Variants in ACY3 observed in about 807,000 individuals in gnomAD.
The protein encoded by ACY3 is N-acyl-aromatic-L-amino acid amidohydrolase (carboxylate-forming).
ACY3 carries 20 observed loss-of-function variants against 24.6 expected under a neutral mutation model. That is an observed-to-expected ratio of 0.81 (90% confidence interval 0.57 to 1.18). The LOEUF (loss-of-function observed/expected upper bound fraction) is 1.18, where lower values mean the gene tolerates loss of function less well. Ranked by LOEUF, ACY3 falls within the 50% of genes most tolerant of loss-of-function variation. The pLI, the probability that ACY3 is intolerant of heterozygous loss-of-function variation, is 0.00. For synonymous variants in ACY3, 174 were observed against 188.4 expected (o/e 0.92, Z 0.62); for missense variants, 423 against 426.8 (o/e 0.99, Z 0.08).
Position 67,644,822 on chromosome 11 carries a change from C to G in ACY3, c.682G>C (p.Val228Leu), listed in dbSNP as rs537647642. 3.2e-6 allele frequency: 5 copies of G among 1,579,120 alleles called. No homozygotes were observed. In the Admixed American group the frequency reaches 7.4e-5, roughly 23 times the overall value. ...GCCTCGGTGCGGGGGAAGTCCACGA[C>G]GCCCACGGGTCTATAGGCTTCCATC... ...FEMEAYRPVG[V>L]VDFPRTEAGH... The change falls in exon 7 of 8, where the codon GTC becomes CTC. Residue 228 changes from valine (V) to leucine (L), a missense_variant. Val to Leu is a conservative substitution (Grantham distance 32). Coordinates refer to ENST00000255082, the MANE Select transcript of ACY3 (RefSeq NM_080658.2).
At position 67,650,575 on chromosome 11, in the gene ACY3, G is replaced by T. The variant is rs1179102358; in HGVS notation, c.-95+8C>A. On this transcript the variant is annotated splice_region_variant and intron_variant, in intron 1 of 7. Coordinates refer to ENST00000255082, the MANE Select transcript of ACY3 (RefSeq NM_080658.2). ...GTGGGCCGCGGCACCTTCCCCGGGCGAACTCACCCACGTGGCCCCAGAGGG... is the reference window on the plus strand; with the variant it reads ...GTGGGCCGCGGCACCTTCCCCGGGCTAACTCACCCACGTGGCCCCAGAGGG... The T allele has an allele frequency of 1.3e-5, 2 of 152,178 alleles. No homozygotes were observed. Among genetic ancestry groups the T allele is most frequent in the Admixed American group, 1.3e-4 (2 of 15,276 alleles). The allele number at this position is 152,178 out of a possible 1,614,324, so 9.4% of individuals were successfully genotyped here.
chr11:67,648,554 G>C (rs1855558288), intron 1 of ACY3, among the ~76,000 whole-genome samples: 1 of 152,262 alleles, frequency 6.6e-6, no homozygotes, highest in African/African-American at 2.4e-5. Context: ...TGGATGCCAG[G>C]TGCTGGGACC....
In ACY3 at chr11:67,642,714, G is replaced by T. The variant is rs370053612; in HGVS notation, c.*10C>A. The T allele has an allele frequency of 1.2e-6, 2 of 1,613,838 alleles. No individual in the cohort carries two copies. Among genetic ancestry groups the T allele is most frequent in the African/African-American group, 2.7e-5 (2 of 74,934 alleles). ...ATGGGAAGACTGAGGTTGGGGAGGTGTGTCTTGGGTTAGGAAGCTGGGCTC... is the reference window on the plus strand; with the variant it reads ...ATGGGAAGACTGAGGTTGGGGAGGTTTGTCTTGGGTTAGGAAGCTGGGCTC... On this transcript the variant is annotated 3_prime_UTR_variant, in exon 8 of 8. Coordinates refer to ENST00000255082, the MANE Select transcript of ACY3 (RefSeq NM_080658.2).
intron 1 of ACY3, among the ~76,000 whole-genome samples, chr11:67,648,183 T>C (rs1244071374): frequency 2.6e-5 from 4 of 152,226 alleles, no homozygotes; most frequent in Non-Finnish European, 5.9e-5. Context: ...GCTCATTTTA[T>C]AGATGTGAAA....
chr11:67,642,760 C>CA lies in ACY3; in HGVS notation c.923dup (p.Met308IlefsTer31). ...GGCTCGGGGCAGGGGTCAGCGCGGGCATGGCAGGCACGGTGAATGTGAACT... is the reference window on the plus strand; with the variant it reads ...GGCTCGGGGCAGGGGTCAGCGCGGGCAATGGCAGGCACGGTGAATGTGAACT... On this transcript the variant is annotated frameshift_variant, in exon 8 of 8. Transcript: ENST00000255082. LOFTEE classifies it low-confidence loss of function (END_TRUNC). The CA allele has an allele frequency of 6.2e-7, 1 of 1,614,132 alleles. No individual in the cohort carries two copies. Among genetic ancestry groups the CA allele is most frequent in the Non-Finnish European group, 8.5e-7 (1 of 1,180,022 alleles).
At position 67,642,767 on chromosome 11, in the gene ACY3, G is replaced by C. The variant is rs1855431761; in HGVS notation, c.917C>G (p.Pro306Arg). ...VQTEKFTFTV[P>R]AMPALTPAPS... ...GGCAGGGGTCAGCGCGGGCATGGCA[G>C]GCACGGTGAATGTGAACTTCTCAGT... Residue 306 changes from proline to arginine, a missense_variant, in exon 8 of 8, where the codon CCT becomes CGT. Transcript: ENST00000255082. 2 of 1,614,154 alleles carry C rather than the reference G, an allele frequency of 1.2e-6. No homozygotes were observed. Among genetic ancestry groups the C allele is most frequent in the Non-Finnish European group, 1.7e-6 (2 of 1,180,028 alleles).
intron 5 of ACY3, 47 bp downstream of exon 5, chr11:67,645,240 C>A: frequency 6.2e-7 from 1 of 1,610,624 alleles, no homozygotes; most frequent in East Asian, 2.2e-5. Flanking sequence ...GGACCCGCCC[C>A]TCCAGCCCTC....
At chr11:67,643,840 C>A (rs1855454750) in intron 7 of ACY3, among the ~76,000 whole-genome samples, 1 of 151,632 alleles carries the variant, frequency 6.6e-6, no homozygotes, top group South Asian at 2.1e-4. Context: ...ACTAAAAAGA[C>A]AAAAATTGGC....
chr11:67,644,681 T>A, intron 7 of ACY3, 79 bp downstream of exon 7: 2 of 1,381,604 alleles, frequency 1.4e-6, no homozygotes, highest in South Asian at 2.6e-5. Context: ...GGGCTCAGTT[T>A]TCCTTGACAA....
chr11:67,649,883 T>C (rs1376269008), intron 1 of ACY3, among the ~76,000 whole-genome samples: 1 of 151,716 alleles, frequency 6.6e-6, no homozygotes, highest in African/African-American at 2.4e-5. Flanking sequence ...TGTGTGCATG[T>C]GTGCATGTGC....
chr11:67,648,722 C>A (rs1855561624), intron 1 of ACY3, among the ~76,000 whole-genome samples: 2 of 152,166 alleles, frequency 1.3e-5, no homozygotes, highest in Admixed American at 6.5e-5. Context: ...TCGGAAGCTG[C>A]CCCAGATCAC....
chr11:67,647,173 G>C, intron 2 of ACY3, 110 bp from the exon 3 acceptor site: 1 of 775,468 alleles, frequency 1.3e-6, no homozygotes, highest in Non-Finnish European at 2.0e-6. Flanking sequence ...AAGAGGTGTG[G>C]ACAGCTGGGA....
At chr11:67,649,889 TG>T (rs1364140182) in intron 1 of ACY3, among the ~76,000 whole-genome samples, 2 of 150,492 alleles carry the variant, frequency 1.3e-5, no homozygotes, top group African/African-American at 4.9e-5. Context: ...CATGTGTGCA[TG>T]TGCTTGAGAG....
rs1591130565 is a variant in ACY3 at position 67,645,206 on chromosome 11, A to G, written c.527-54T>C. The G allele has an allele frequency of 3.1e-6, 5 of 1,604,512 alleles. No homozygotes were observed. In the East Asian group the frequency reaches 1.1e-4, roughly 36 times the overall value. Reference sequence around the variant, plus strand: ...AGGTGCAGGACCCATATACTCCTTGAAGAGGCCCTGCCCCTTGGTGACTGG... The same window carrying G: ...AGGTGCAGGACCCATATACTCCTTGGAGAGGCCCTGCCCCTTGGTGACTGG... On this transcript the variant is annotated intron_variant, in intron 5 of 7. Transcript: ENST00000255082.
intron 4 of ACY3, 117 bp from the exon 5 acceptor site, chr11:67,645,497 T>G: frequency 7.9e-7 from 1 of 1,266,712 alleles, no homozygotes; most frequent in Non-Finnish European, 1.1e-6. Context: ...GGTCTCCCTC[T>G]ACCCTCTGGC....
In ACY3 at chr11:67,645,307, G is replaced by A. The variant is rs1317432491; in HGVS notation, c.506C>T (p.Ser169Phe). The A allele has an allele frequency of 1.2e-6, 2 of 1,613,698 alleles. No individual in the cohort carries two copies. Among genetic ancestry groups the A allele is most frequent in the African/African-American group, 1.3e-5 (1 of 75,034 alleles). ...CCCACCCAGTCCATTTTTGGCCACA[G>A]AGTCCAGGTTGTAGCTCTCCTCCCC... Reference protein sequence around the residue: ...RSGEESYNLDSVAKNGLGLEL... With the variant: ...RSGEESYNLDFVAKNGLGLEL... Residue 169 changes from serine to phenylalanine, a missense_variant, in exon 5 of 8, where the codon TCT becomes TTT. Physicochemically the swap from Ser to Phe is radical, Grantham distance 155. Coordinates refer to ENST00000255082, the MANE Select transcript of ACY3 (RefSeq NM_080658.2).
At position 67,642,867 on chromosome 11, in the gene ACY3, C is replaced by T. The variant is rs1855435303; in HGVS notation, c.817G>A (p.Glu273Lys). 2 of 1,614,110 alleles carry T rather than the reference C, an allele frequency of 1.2e-6. No individual in the cohort carries two copies. Among genetic ancestry groups the T allele is most frequent in the Non-Finnish European group, 1.7e-6 (2 of 1,180,034 alleles). ...QMFSGEDLLY[E>K]GESTVYPVFI... is the part of the protein sequence containing the mutation. ...ACGGGGTACACCGTGGACTCTCCCTCATAGAGCAGGTCCTCCCCACTGAAC... is the reference window on the plus strand; with the variant it reads ...ACGGGGTACACCGTGGACTCTCCCTTATAGAGCAGGTCCTCCCCACTGAAC... The change falls in exon 8 of 8, where the codon GAG becomes AAG. Residue 273 changes from glutamate (E) to lysine (K), a missense_variant. Physicochemically the swap from Glu to Lys is moderately conservative, Grantham distance 56. Transcript: ENST00000255082.
At chr11:67,649,748 C>T (rs542901508) in intron 1 of ACY3, among the ~76,000 whole-genome samples, 13 of 113,086 alleles carry the variant, frequency 1.1e-4, no homozygotes, top group Admixed American at 9.0e-4. Flanking sequence ...TGCGTGTGTG[C>T]GCATGTGTGA....
chr11:67,647,849 C>T (rs967145161), intron 1 of ACY3, among the ~76,000 whole-genome samples: 13 of 152,224 alleles, frequency 8.5e-5, no homozygotes, highest in Non-Finnish European at 1.6e-4. Flanking sequence ...GAGGTACACC[C>T]GCAGTGGGGT....
Sources: gnomAD v4.1 joint callset for allele counts (sites outside exome capture counted in the v4.1 genomes callset) on GRCh38, gnomAD v4.1.1 for gene constraint, MANE v1.5 for transcripts, NCBI Gene and HGNC (gene_info 2026-07-23, HGNC 2026-07-21) for gene names.